The following VPS13B variants were observed in gnomAD, a reference collection of about 807,000 sequenced individuals.
VPS13B encodes the protein vacuolar protein sorting 13 homolog B.
A neutral mutation model predicts 426.4 loss-of-function variants in VPS13B; 285 were observed. The ratio of observed to expected loss-of-function variants is 0.67; its 90% CI spans 0.61 to 0.74. VPS13B has a LOEUF of 0.74. VPS13B is among the 30% of genes least tolerant of loss of function. The probability of loss-of-function intolerance (pLI) is 0.00; values close to 1 mark genes in which losing one functional copy is unlikely to be tolerated. For missense variants in VPS13B, 4,537 were observed against 4,782.6 expected, an observed-to-expected ratio of 0.95 and a Z score of 1.51; for synonymous variants, 1,676 against 1,676.4, an observed-to-expected ratio of 1.00 and a Z score of 0.01.
intron 19 of VPS13B, among the ~76,000 whole-genome samples, chr8:99,333,817 C>T (rs894562233): frequency 6.6e-6 from 1 of 151,892 alleles, no homozygotes; most frequent in Non-Finnish European, 1.5e-5. Context: ...CAGAATAATT[C>T]TCTGGATGTA....
intron 35 of VPS13B, among the ~76,000 whole-genome samples, chr8:99,663,213 A>G (rs976769031): frequency 2.6e-5 from 4 of 152,216 alleles, no homozygotes; most frequent in Admixed American, 6.5e-5. Flanking sequence ...TATGATCCAT[A>G]CTACAGATGG....
chr8:99,540,050 TATATATATATA>T (rs1823512565), intron 30 of VPS13B, among the ~76,000 whole-genome samples: 2 of 5,560 alleles, frequency 3.6e-4, no homozygotes, highest in Non-Finnish European at 6.6e-4. Flanking sequence ...TATATATATA[TATATATATATA>T]TATTTTTTTT....
At chr8:99,518,348 G>A (rs1025286321) in intron 29 of VPS13B, among the ~76,000 whole-genome samples, 2 of 152,130 alleles carry the variant, frequency 1.3e-5, no homozygotes, top group African/African-American at 2.4e-5. Flanking sequence ...GATAAGGTTG[G>A]CATAAAATGC....
intron 19 of VPS13B, among the ~76,000 whole-genome samples, chr8:99,349,114 A>C (rs956693315): frequency 1.3e-5 from 2 of 151,192 alleles, no homozygotes; most frequent in Non-Finnish European, 2.9e-5. Context: ...CGGGCGGATC[A>C]CGAGGTCAGG....
chr8:99,522,694 T>C (rs1336530168), intron 30 of VPS13B, among the ~76,000 whole-genome samples: 4 of 152,192 alleles, frequency 2.6e-5, no homozygotes, highest in Non-Finnish European at 4.4e-5. Flanking sequence ...TAGCAATATG[T>C]GTTAGAATGT....
At chr8:99,662,691 G>A (rs3099853) in intron 35 of VPS13B, among the ~76,000 whole-genome samples, 2 of 151,808 alleles carry the variant, frequency 1.3e-5, no homozygotes, top group Non-Finnish European at 2.9e-5. Flanking sequence ...CAAGCAATCC[G>A]CCTGCCTCAG....
At chr8:99,616,897 T>C (rs1417706065) in intron 33 of VPS13B, among the ~76,000 whole-genome samples, 1 of 152,158 alleles carries the variant, frequency 6.6e-6, no homozygotes, top group Non-Finnish European at 1.5e-5. Context: ...ATTACAAAAA[T>C]GTATTTGAAA....
intron 34 of VPS13B, among the ~76,000 whole-genome samples, chr8:99,653,968 C>T (rs542080720): frequency 1.3e-5 from 2 of 152,108 alleles, no homozygotes; most frequent in South Asian, 4.2e-4. Context: ...ACCTTGCATC[C>T]AGAGCAATTT....
At chr8:99,610,097 G>A (rs562945176) in intron 33 of VPS13B, among the ~76,000 whole-genome samples, 1 of 152,206 alleles carries the variant, frequency 6.6e-6, no homozygotes, top group South Asian at 2.1e-4. Context: ...AAGATTAATG[G>A]AAAGTCATTT....
intron 55 of VPS13B, 79 bp downstream of exon 55, chr8:99,848,973 C>T: frequency 1.6e-6 from 2 of 1,272,780 alleles, no homozygotes; most frequent in Non-Finnish European, 2.3e-6. Flanking sequence ...TTATCTTTGT[C>T]ATCTCCACAT....
At chr8:99,029,803 G>GGGAGAC (rs1316492252) in intron 2 of VPS13B, among the ~76,000 whole-genome samples, 198 of 145,948 alleles carry the variant, frequency 1.4e-3, no homozygotes, top group Middle Eastern at 7.3e-3. Context: ...GAGAGGGAGA[G>GGGAGAC]GGAGACGGAG....
At chr8:99,281,938 AT>A (rs920962072) in intron 19 of VPS13B, among the ~76,000 whole-genome samples, 6 of 150,266 alleles carry the variant, frequency 4.0e-5, no homozygotes, top group African/African-American at 1.2e-4. Flanking sequence ...CTTTCTGTCC[AT>A]TTTTTTTTCT....
chr8:99,819,321 A>G (rs1303434593), intron 47 of VPS13B, 91 bp from the exon 48 acceptor site: 3 of 1,460,734 alleles, frequency 2.1e-6, no homozygotes, highest in Non-Finnish European at 1.9e-6. Context: ...GTGTTGGTCT[A>G]TAATACATTT....
intron 27 of VPS13B, among the ~76,000 whole-genome samples, chr8:99,505,084 C>T (rs184077595): frequency 1.1e-3 from 167 of 152,324 alleles, no homozygotes; most frequent in Non-Finnish European, 1.8e-3. Context: ...ACTTCTGCAG[C>T]TTTCTTACTT....
rs577861743 is a variant in VPS13B, at chr8:99,572,835, G to A, written c.4950-2823G>A. Among the ~76,000 whole-genome samples, 955 of 152,236 alleles carry A rather than the reference G, an allele frequency of 6.3e-3. 7 individuals carry two copies. The highest frequency in any genetic ancestry group is 0.022 in the African/African-American group (895 of 41,532). ...ATATACCCAGTAATGGGATGGCTGGGTCAAATGGTATTTCTAGTTCTAGAT... is the reference window on the plus strand; with the variant it reads ...ATATACCCAGTAATGGGATGGCTGGATCAAATGGTATTTCTAGTTCTAGAT... On this transcript the variant is annotated intron_variant, in intron 31 of 61. Coordinates refer to ENST00000357162, the MANE Select transcript of VPS13B (RefSeq NM_152564.5).
At chr8:99,828,394 G>GTTTTTTTTTTT (rs555108452) in intron 51 of VPS13B, among the ~76,000 whole-genome samples, 290 of 17,432 alleles carry the variant, frequency 0.017, 90 homozygotes, top group Middle Eastern at 0.083. Context: ...TACAACCACC[G>GTTTTTTTTTTT]TTTTTTTTTT....
At chr8:99,278,161 A>G (rs544659000) in intron 19 of VPS13B, among the ~76,000 whole-genome samples, 22 of 152,270 alleles carry the variant, frequency 1.4e-4, no homozygotes, top group African/African-American at 5.3e-4. Context: ...TTTTTGGGTC[A>G]TGGCATGATG....
At chr8:99,710,835 C>CAAAA (rs532543246) in intron 36 of VPS13B, among the ~76,000 whole-genome samples, 1 of 86,378 alleles carries the variant, frequency 1.2e-5, no homozygotes, top group African/African-American at 4.3e-5. Context: ...ACTAAAAATG[C>CAAAA]AAAAAAAAAA....
At chr8:99,805,582 A>G (rs181315088) in intron 43 of VPS13B, among the ~76,000 whole-genome samples, 10 of 152,208 alleles carry the variant, frequency 6.6e-5, no homozygotes, top group African/African-American at 2.4e-4. Context: ...TTTAAGTTTT[A>G]TTTTGTATAG....
Sources: gnomAD v4.1 joint callset for allele counts (sites outside exome capture counted in the v4.1 genomes callset) on GRCh38, gnomAD v4.1.1 for gene constraint, MANE v1.5 for transcripts, NCBI Gene and HGNC (gene_info 2026-07-23, HGNC 2026-07-21) for gene names.